The following P3H2 variants were observed in gnomAD, a reference collection of about 807,000 sequenced individuals.
The protein encoded by P3H2 is prolyl 3-hydroxylase 2.
In P3H2, 80 loss-of-function variants were observed where a neutral mutation model predicts 87.0. The observed-to-expected ratio is 0.92, with a 90% CI of 0.77 to 1.11. P3H2 has a LOEUF of 1.11. P3H2 is among the 50% of genes least tolerant of loss of function. P3H2 has a pLI of 0.00. For missense variants in P3H2, 1,001 were observed against 923.9 expected, an observed-to-expected ratio of 1.08 and a Z score of -1.08; for synonymous variants, 367 against 359.3, an observed-to-expected ratio of 1.02 and a Z score of -0.24.
chr3:189,972,865 C>A lies in P3H2; in HGVS notation c.1699+9G>T. ...GGTAAAAGGGAACCATTTCAGACTGCAATCTCACCAGACAGGGCTGTTCGG... is the reference window on the plus strand; with the variant it reads ...GGTAAAAGGGAACCATTTCAGACTGAAATCTCACCAGACAGGGCTGTTCGG... On this transcript the variant is annotated intron_variant, in intron 11 of 14. Transcript: ENST00000319332. 6.2e-7 allele frequency: 1 copy of A among 1,613,922 alleles called. No individual in the cohort carries two copies. The highest frequency in any genetic ancestry group is 8.5e-7 in the Non-Finnish European group (1 of 1,179,908).
chr3:189,983,318 C>A (rs796115109), intron 7 of P3H2, 178 bp from the exon 8 acceptor site: 1 of 589,144 alleles, frequency 1.7e-6, no homozygotes, highest in Non-Finnish European at 3.0e-6. Flanking sequence ...TCTATTTCCT[C>A]GGTGAGTTTG....
chr3:190,073,934 G>A (rs1330000122), intron 1 of P3H2, among the ~76,000 whole-genome samples: 1 of 152,082 alleles, frequency 6.6e-6, no homozygotes, highest in East Asian at 1.9e-4. Flanking sequence ...AACGCTTTAG[G>A]GGACAGTTCA....
chr3:189,989,370 A>G lies in P3H2; in HGVS notation c.824-332T>C, dbSNP rs562798553. 2.6e-5 allele frequency among the ~76,000 whole-genome samples: 4 copies of G among 152,184 alleles called. No individual in the cohort carries two copies. In the East Asian group the frequency reaches 7.7e-4, roughly 29 times the overall value. ...TACACCCAGCTGAATGTCAGTTTTC[A>G]TATTTAACAACTTTGGGGTCTCTCT... On this transcript the variant is annotated intron_variant, in intron 3 of 14. Coordinates refer to ENST00000319332, the MANE Select transcript of P3H2 (RefSeq NM_018192.4).
chr3:190,041,273 T>TC (rs1227549521), intron 1 of P3H2, among the ~76,000 whole-genome samples: 3 of 39,540 alleles, frequency 7.6e-5, no homozygotes, highest in African/African-American at 4.1e-4. Context: ...ATAACCTGTC[T>TC]TAAAAAAAAA....
chr3:190,109,160 T>C (rs1448787358), intron 1 of P3H2, among the ~76,000 whole-genome samples: 1 of 152,262 alleles, frequency 6.6e-6, no homozygotes, highest in Non-Finnish European at 1.5e-5. Flanking sequence ...CGTGAGACTC[T>C]TTTCATGCCT....
intron 1 of P3H2, among the ~76,000 whole-genome samples, chr3:190,072,785 T>C (rs935655510): frequency 2.0e-5 from 3 of 152,244 alleles, no homozygotes; most frequent in Non-Finnish European, 4.4e-5. Context: ...AATTTATATG[T>C]ACATGTGGCA....
intron 1 of P3H2, among the ~76,000 whole-genome samples, chr3:190,111,209 T>C (rs1201342723): frequency 6.6e-6 from 1 of 152,224 alleles, no homozygotes; most frequent in Non-Finnish European, 1.5e-5. Flanking sequence ...ATAAGAAGAT[T>C]GCAGCTTTTA....
chr3:190,073,829 C>T (rs1726783483), intron 1 of P3H2, among the ~76,000 whole-genome samples: 1 of 152,196 alleles, frequency 6.6e-6, no homozygotes, highest in South Asian at 2.1e-4. Context: ...GGCCATACCT[C>T]AAATGAGCTA....
rs529875008 is a variant in P3H2 at position 190,011,821 on chromosome 3, G to GA, written c.481-16380dup. Among the ~76,000 whole-genome samples the GA allele has an allele frequency of 1.6e-4, 24 of 152,132 alleles. 1 individual carries two copies. The East Asian group carries it at 4.4e-3, about 28-fold the overall frequency. ...ACATGCTCATGATATACTCTCGAAT[G>GA]AAAAAAGCAGATTGTATGACATTCT... is the stretch of plus-strand genomic sequence containing the variant. On this transcript the variant is annotated intron_variant, in intron 1 of 14. Coordinates refer to ENST00000319332, the MANE Select transcript of P3H2 (RefSeq NM_018192.4).
intron 8 of P3H2, among the ~76,000 whole-genome samples, chr3:189,976,675 G>A (rs1214224314): frequency 6.6e-6 from 1 of 152,128 alleles, no homozygotes; most frequent in African/African-American, 2.4e-5. Flanking sequence ...AGTATTATTA[G>A]TTGGCGTTAA....
chr3:189,982,824 G>C (rs1233155449), intron 8 of P3H2, among the ~76,000 whole-genome samples: 3 of 152,032 alleles, frequency 2.0e-5, no homozygotes, highest in Non-Finnish European at 4.4e-5. Flanking sequence ...GAATTTGGAG[G>C]CTTTTTCTTT....
intron 1 of P3H2, among the ~76,000 whole-genome samples, chr3:190,102,599 A>G (rs1259533300): frequency 6.6e-6 from 1 of 152,252 alleles, no homozygotes; most frequent in African/African-American, 2.4e-5. Context: ...CTTCTTAAGG[A>G]TGAGCAAAAA....
Position 189,965,979 on chromosome 3 carries a change from A to G in P3H2, c.1894-1881T>C, listed in dbSNP as rs562459846. Among the ~76,000 whole-genome samples, 12 of 150,752 alleles carry G rather than the reference A, an allele frequency of 8.0e-5. No individual in the cohort carries two copies. In the East Asian group the frequency reaches 9.7e-4, roughly 12 times the overall value. On this transcript the variant is annotated intron_variant, in intron 13 of 14. Coordinates refer to ENST00000319332, the MANE Select transcript of P3H2 (RefSeq NM_018192.4). The stretch of plus-strand genomic sequence containing the variant: ...CCAGTCTGGGTGACAGAAAAAAAAA[A>G]AAAGAAAGAAAGAAAAGAAAGAAGA...
chr3:190,041,580 T>C (rs1167199714), intron 1 of P3H2, among the ~76,000 whole-genome samples: 1 of 152,156 alleles, frequency 6.6e-6, no homozygotes, highest in African/African-American at 2.4e-5. Flanking sequence ...AGGAGAATAA[T>C]AGCTACTTTG....
chr3:190,007,963 C>CATATATATATATATATATATAT (rs1385863469), intron 1 of P3H2, among the ~76,000 whole-genome samples: 2 of 19,936 alleles, frequency 1.0e-4, no homozygotes, highest in African/African-American at 4.3e-4. Context: ...TTTGTTGACA[C>CATATATATATATATATATATAT]ACATATATAT....
intron 14 of P3H2, among the ~76,000 whole-genome samples, chr3:189,961,831 C>G (rs144117597): frequency 7.7e-4 from 117 of 152,246 alleles, no homozygotes; most frequent in African/African-American, 2.6e-3. Flanking sequence ...GCAAAGAGAA[C>G]TTACTTTGTG....
intron 1 of P3H2, among the ~76,000 whole-genome samples, chr3:190,114,799 C>T (rs956578027): frequency 4.6e-5 from 7 of 152,158 alleles, no homozygotes; most frequent in African/African-American, 1.7e-4. Context: ...AATTTCATAA[C>T]AGCTATTTCA....
chr3:190,090,858 C>T (rs542686836), intron 1 of P3H2, among the ~76,000 whole-genome samples: 2 of 144,274 alleles, frequency 1.4e-5, no homozygotes, highest in South Asian at 4.3e-4. Flanking sequence ...GAATGTTTTA[C>T]TCCTTTGCAA....
At chr3:189,993,000 T>C (rs9882242) in intron 3 of P3H2, among the ~76,000 whole-genome samples, 44,340 of 152,094 alleles carry the variant, frequency 0.29, 6,956 homozygotes, top group East Asian at 0.49. Flanking sequence ...TAACTTGTTC[T>C]TTATTTTTCT....
Sources: gnomAD v4.1 joint callset for allele counts (sites outside exome capture counted in the v4.1 genomes callset) on GRCh38, gnomAD v4.1.1 for gene constraint, MANE v1.5 for transcripts, NCBI Gene and HGNC (gene_info 2026-07-23, HGNC 2026-07-21) for gene names.